Variants in ANKRD24 observed in about 807,000 individuals in gnomAD.
ANKRD24 encodes the protein ankyrin repeat domain-containing protein 24.
A neutral mutation model predicts 127.8 loss-of-function variants in ANKRD24; 109 were observed. The observed-to-expected ratio is 0.85, with a 90% CI of 0.73 to 1.00. ANKRD24 has a LOEUF of 1.00. ANKRD24 is among the 50% of genes least tolerant of loss of function. The pLI, the probability that ANKRD24 is intolerant of heterozygous loss-of-function variation, is 0.00. For missense variants in ANKRD24, 1,648 were observed against 1,570.2 expected (o/e 1.05, Z -0.84); for synonymous variants, 743 against 671.1 (o/e 1.11, Z -1.66).
At chr19:4,196,493 A>C (rs8110464) in intron 2 of ANKRD24, among the ~76,000 whole-genome samples, 1 of 151,798 alleles carries the variant, frequency 6.6e-6, no homozygotes, top group Non-Finnish European at 1.5e-5. Context: ...CTCCTGCCTC[A>C]CTTCCTGAGT....
chr19:4,194,893 C>T (rs1417453369), intron 2 of ANKRD24, among the ~76,000 whole-genome samples: 1 of 152,106 alleles, frequency 6.6e-6, no homozygotes, highest in Non-Finnish European at 1.5e-5. Context: ...GATGCCAGGG[C>T]TTGGATGAAG....
intron 2 of ANKRD24, among the ~76,000 whole-genome samples, chr19:4,189,932 G>A (rs1968288486): frequency 6.6e-6 from 1 of 152,098 alleles, no homozygotes; most frequent in African/African-American, 2.4e-5. Flanking sequence ...AGGTGGGAGG[G>A]GAGTGCATTG....
chr19:4,203,688 C>T (rs560065443), intron 7 of ANKRD24, among the ~76,000 whole-genome samples: 22 of 151,768 alleles, frequency 1.4e-4, no homozygotes, highest in Non-Finnish European at 1.2e-4. Flanking sequence ...CCTCTGTCGC[C>T]CAGGGTGGAG....
At chr19:4,213,351 G>A (rs1002507476) in intron 15 of ANKRD24, among the ~76,000 whole-genome samples, 5 of 117,756 alleles carry the variant, frequency 4.2e-5, no homozygotes, top group African/African-American at 6.8e-5. Flanking sequence ...TCCTTCCTTC[G>A]TTTTCCTTCC....
At chr19:4,197,709 GTGAA>G (rs1352809589) in intron 2 of ANKRD24, among the ~76,000 whole-genome samples, 5 of 152,292 alleles carry the variant, frequency 3.3e-5, no homozygotes, top group Middle Eastern at 3.4e-3. Context: ...AAATGAATGA[GTGAA>G]TGAATGAAAG....
Position 4,217,983 on chromosome 19 carries a change from G to T in ANKRD24, c.2823G>T (p.Val941=). 1 of 1,524,164 alleles carries T rather than the reference G, an allele frequency of 6.6e-7. No individual in the cohort carries two copies. The highest frequency in any genetic ancestry group is 2.6e-5 in the East Asian group (1 of 38,578). 94.4% of individuals were successfully genotyped at this position (1,524,164 alleles called of 1,614,324 possible). Residue 941 remains valine (V), a synonymous_variant, in exon 18 of 22, where the codon GTG becomes GTT. Transcript: ENST00000318934. ...GRAASLEQEV[V]ATGKEAARLR... ...CAGCCAGTCTGGAGCAGGAGGTGGT[G>T]GCCACGGGCAAGGAGGCCGCCCGGC...
At position 4,195,766 on chromosome 19, in the gene ANKRD24, T is replaced by A. The variant is rs113358923; in HGVS notation, c.37-3917T>A. On this transcript the variant is annotated intron_variant, in intron 2 of 21. Transcript: ENST00000318934. This position sits in a 1 kb window ranked among gnomAD's most constrained non-coding sequence, Gnocchi z 4.2. ...AAAATTCGCTAGGCGTGGTGGCGTG[T>A]GCCTGTAATCCCAGCTACTCGGGAA... Among the ~76,000 whole-genome samples the A allele has an allele frequency of 3.3e-5, 5 of 152,062 alleles. No individual in the cohort carries two copies. The highest frequency in any genetic ancestry group is 1.9e-4 in the East Asian group (1 of 5,162).
rs547300715 is a variant in ANKRD24, at chr19:4,199,002, A to C, written c.37-681A>C. Among the ~76,000 whole-genome samples the C allele has an allele frequency of 2.0e-5, 3 of 152,006 alleles. No individual in the cohort carries two copies. Among genetic ancestry groups the C allele is most frequent in the Admixed American group, 2.0e-4 (3 of 15,242 alleles). ...ACAGAACACTTCAGGAATTTGGGGGAGACATTTCGTAATGCATTTCAGGCT... is the reference window on the plus strand; with the variant it reads ...ACAGAACACTTCAGGAATTTGGGGGCGACATTTCGTAATGCATTTCAGGCT... On this transcript the variant is annotated intron_variant, in intron 2 of 21. Coordinates refer to ENST00000318934, the MANE Select transcript of ANKRD24 (RefSeq NM_001393985.1). This position sits in a 1 kb window ranked among gnomAD's most constrained non-coding sequence, Gnocchi z 5.2.
intron 19 of ANKRD24, among the ~76,000 whole-genome samples, chr19:4,221,310 C>T (rs1599472590): frequency 1.3e-5 from 2 of 152,066 alleles, no homozygotes; most frequent in Admixed American, 6.6e-5. Flanking sequence ...CTCCCGACCT[C>T]AGGTGATTCA....
intron 15 of ANKRD24, 147 bp downstream of exon 15, chr19:4,212,845 A>G (rs1969823366): frequency 5.1e-6 from 4 of 788,674 alleles, no homozygotes; most frequent in Non-Finnish European, 7.9e-6. Flanking sequence ...ACAAACCCAC[A>G]GTCTTGGCTG....
At chr19:4,210,220 G>T (rs1172734244) in intron 12 of ANKRD24, 45 bp from the exon 13 acceptor site, 1 of 1,560,024 alleles carries the variant, frequency 6.4e-7, no homozygotes, top group Admixed American at 1.9e-5. Flanking sequence ...CTGGGATGGG[G>T]CAACCTTAGG....
Position 4,222,665 on chromosome 19 carries a change from C to G in ANKRD24, c.3172-5C>G. ...GGTGATCGCTGACAGCACCTGCACC[C>G]TCAGATCACAGAACTCTCCAAAGAA... On this transcript the variant is annotated splice_polypyrimidine_tract_variant and splice_region_variant and intron_variant, in intron 19 of 21. Transcript: ENST00000318934. The G allele has an allele frequency of 6.3e-7, 1 of 1,598,550 alleles. No individual in the cohort carries two copies. The highest frequency in any genetic ancestry group is 8.6e-7 in the Non-Finnish European group (1 of 1,168,162).
chr19:4,191,459 A>C (rs1034889971), intron 2 of ANKRD24, among the ~76,000 whole-genome samples: 1 of 150,444 alleles, frequency 6.6e-6, no homozygotes, highest in Non-Finnish European at 1.5e-5. Context: ...CTTTTATTTT[A>C]TTTTCTTTCT....
chr19:4,196,730 A>T (rs1253164405), intron 2 of ANKRD24, among the ~76,000 whole-genome samples: 1 of 152,160 alleles, frequency 6.6e-6, no homozygotes, highest in Non-Finnish European at 1.5e-5. Flanking sequence ...TGTGCCCCAG[A>T]GTCTCCAGGC....
Position 4,210,278 on chromosome 19 carries a change from C to G in ANKRD24, c.965C>G (p.Ala322Gly). Residue 322 changes from alanine to glycine, a missense_variant, in exon 13 of 22, where the codon GCC becomes GGC. Coordinates refer to ENST00000318934, the MANE Select transcript of ANKRD24 (RefSeq NM_001393985.1). ...ASIPMPDDRD[A>G]YEEIVRLRQE... ...GGAGGGGAACAGGATGATCGAGATG[C>G]CTATGAGGAGATCGTGAGGCTGCGG... The G allele has an allele frequency of 6.3e-7, 1 of 1,586,546 alleles. No homozygotes were observed. The highest frequency in any genetic ancestry group is 8.6e-7 in the Non-Finnish European group (1 of 1,166,982).
Position 4,207,282 on chromosome 19 carries a change from CT to C in ANKRD24, c.510del (p.Phe170LeufsTer5). On this transcript the variant is annotated frameshift_variant, in exon 8 of 22. Transcript: ENST00000318934. LOFTEE classifies it high-confidence loss of function. ...CLSCSEVLCS[F>X]KAHLNPQDRS... Reference sequence around the variant, plus strand: ...TCTCCTGCTCAGAGGTGCTCTGCTCCTTTAAGGCACATCTAAACCCCCAAGA... The same window carrying C: ...TCTCCTGCTCAGAGGTGCTCTGCTCCTTAAGGCACATCTAAACCCCCAAGA... The C allele has an allele frequency of 6.2e-7, 1 of 1,613,850 alleles. No individual in the cohort carries two copies. Among genetic ancestry groups the C allele is most frequent in the Non-Finnish European group, 8.5e-7 (1 of 1,179,862 alleles).
chr19:4,193,334 A>T (rs1481343886), intron 2 of ANKRD24, among the ~76,000 whole-genome samples: 1 of 151,570 alleles, frequency 6.6e-6, no homozygotes, highest in African/African-American at 2.4e-5. Flanking sequence ...TGAAGGAAAA[A>T]TATAGCTAAA....
chr19:4,205,033 C>A (rs1318241384), intron 7 of ANKRD24, among the ~76,000 whole-genome samples: 1 of 152,276 alleles, frequency 6.6e-6, no homozygotes, highest in East Asian at 1.9e-4. Flanking sequence ...GTCAGGAGAT[C>A]AAGACCATCC....
intron 13 of ANKRD24, among the ~76,000 whole-genome samples, chr19:4,211,073 TCCTC>T (rs925284519): frequency 4.6e-5 from 7 of 151,756 alleles, no homozygotes; most frequent in African/African-American, 1.7e-4. Flanking sequence ...CCTCAGGTGA[TCCTC>T]CCGCCGCGGC....
Sources: allele counts gnomAD v4.1 joint callset (sites outside exome capture counted in the v4.1 genomes callset), GRCh38; gene constraint gnomAD v4.1.1; non-coding constraint Gnocchi (gnomAD v3.1); transcripts MANE v1.5; gene names NCBI Gene and HGNC (gene_info 2026-07-23, HGNC 2026-07-21).